MSRA: variants seen among roughly 807,000 people sequenced by gnomAD.
MSRA encodes methionine sulfoxide reductase A.
In MSRA, 54 loss-of-function variants were observed where a neutral mutation model predicts 31.3. That is an observed-to-expected ratio of 1.73 (90% confidence interval 1.39 to 2.17). MSRA has a LOEUF of 2.17. Among genes scored for constraint, MSRA ranks in the 30% most tolerant of loss-of-function variants. The pLI, the probability that MSRA is intolerant of heterozygous loss-of-function variation, is 0.00. For synonymous variants in MSRA, 169 were observed against 116.5 expected (o/e 1.45, Z -2.90); for missense variants, 507 against 300.9 (o/e 1.69, Z -5.07).
intron 1 of MSRA, among the ~76,000 whole-genome samples, chr8:10,128,613 AGCTTG>A (rs1322976217): frequency 6.6e-6 from 1 of 152,112 alleles, no homozygotes; most frequent in African/African-American, 2.4e-5. Context: ...CACTCCTCTT[AGCTTG>A]GCTTTGTTGT....
chr8:10,259,633 A>G (rs554212849), intron 3 of MSRA, among the ~76,000 whole-genome samples: 2 of 152,280 alleles, frequency 1.3e-5, no homozygotes, highest in South Asian at 4.1e-4. Flanking sequence ...GGGAAAGCTC[A>G]GAAAATAATA....
chr8:10,271,837 G>A (rs2975664), intron 3 of MSRA, among the ~76,000 whole-genome samples: 2 of 151,488 alleles, frequency 1.3e-5, no homozygotes, highest in Non-Finnish European at 2.9e-5. Flanking sequence ...TCTTGCCTCA[G>A]CCTCTCAAGT....
chr8:10,228,224 C>A (rs545575018), intron 2 of MSRA, among the ~76,000 whole-genome samples: 2 of 152,254 alleles, frequency 1.3e-5, no homozygotes, highest in Admixed American at 6.5e-5. Flanking sequence ...CAGCTGTAGC[C>A]GGAATTGAGG....
At chr8:10,268,230 A>G (rs975945096) in intron 3 of MSRA, among the ~76,000 whole-genome samples, 2 of 152,234 alleles carry the variant, frequency 1.3e-5, no homozygotes, top group Non-Finnish European at 1.5e-5. Flanking sequence ...CGTTCTAGCT[A>G]TAACAAGCAG....
intron 5 of MSRA, among the ~76,000 whole-genome samples, chr8:10,424,727 G>T (rs1809029683): frequency 6.6e-6 from 1 of 152,204 alleles, no homozygotes; most frequent in Admixed American, 6.5e-5. Flanking sequence ...TCGGGGCCAG[G>T]GAGAGGCCCC....
At chr8:10,357,888 A>G (rs1259908623) in intron 5 of MSRA, among the ~76,000 whole-genome samples, 1 of 152,140 alleles carries the variant, frequency 6.6e-6, no homozygotes, top group African/African-American at 2.4e-5. Flanking sequence ...CTACTTTTAT[A>G]TTGCATTTGT....
At chr8:10,196,115 G>T (rs1807961732) in intron 1 of MSRA, among the ~76,000 whole-genome samples, 1 of 152,174 alleles carries the variant, frequency 6.6e-6, no homozygotes, top group South Asian at 2.1e-4. Context: ...AGCTGACAGT[G>T]CCCCTTGCAA....
At chr8:10,318,437 C>T (rs1306772287) in intron 4 of MSRA, among the ~76,000 whole-genome samples, 2 of 152,170 alleles carry the variant, frequency 1.3e-5, no homozygotes, top group African/African-American at 2.4e-5. Context: ...CCTAATTCTT[C>T]TGTAGCCTCT....
Position 10,260,601 on chromosome 8 carries a change from G to T in MSRA, c.331+15378G>T, listed in dbSNP as rs774437607. On this transcript the variant is annotated intron_variant, in intron 3 of 5. Coordinates refer to ENST00000317173, the MANE Select transcript of MSRA (RefSeq NM_012331.5). ...ACAAATGCCTGCTAGGAAATCCAAG[G>T]ACGTATCATGTTGACCCAGTGACAA... is the stretch of plus-strand genomic sequence containing the variant. Among the ~76,000 whole-genome samples, 3 of 152,116 alleles carry T rather than the reference G, an allele frequency of 2.0e-5. No individual in the cohort carries two copies. In the East Asian group the frequency reaches 5.8e-4, roughly 29 times the overall value.
Position 10,318,032 on chromosome 8 carries a change from T to C in MSRA, c.437-1851T>C, listed in dbSNP as rs377628107. On this transcript the variant is annotated intron_variant, in intron 4 of 5. Coordinates refer to ENST00000317173, the MANE Select transcript of MSRA (RefSeq NM_012331.5). ...CAGTCCTCAGAACGTTCCAAGCTTG[T>C]TCTTATTTCTGGGCCTTGGGCTGGG... is the stretch of plus-strand genomic sequence containing the variant. Among the ~76,000 whole-genome samples the C allele has an allele frequency of 6.6e-5, 10 of 152,302 alleles. No homozygotes were observed. In the East Asian group the frequency reaches 1.4e-3, roughly 21 times the overall value.
chr8:10,135,152 G>A (rs1169846494), intron 1 of MSRA, among the ~76,000 whole-genome samples: 2 of 152,238 alleles, frequency 1.3e-5, no homozygotes, highest in African/African-American at 4.8e-5. Flanking sequence ...TTTCACTCTT[G>A]TAATACACAA....
intron 5 of MSRA, among the ~76,000 whole-genome samples, chr8:10,390,304 G>A (rs1336020916): frequency 1.3e-5 from 2 of 152,194 alleles, no homozygotes; most frequent in African/African-American, 4.8e-5. Flanking sequence ...TGTTTCCTGT[G>A]CGAAATGGGC....
At chr8:10,425,581 G>C (rs754303518) in intron 5 of MSRA, among the ~76,000 whole-genome samples, 1 of 152,258 alleles carries the variant, frequency 6.6e-6, no homozygotes, top group Non-Finnish European at 1.5e-5. Context: ...ACAGGGAAGA[G>C]GGTGGATCTC....
chr8:10,107,392 C>T (rs1339589483), intron 1 of MSRA, among the ~76,000 whole-genome samples: 1 of 151,978 alleles, frequency 6.6e-6, no homozygotes, highest in Non-Finnish European at 1.5e-5. Flanking sequence ...CCTTTTCTGA[C>T]CTCCTGAGAA....
intron 5 of MSRA, among the ~76,000 whole-genome samples, chr8:10,394,452 G>C (rs986370890): frequency 6.6e-6 from 1 of 152,196 alleles, no homozygotes; most frequent in African/African-American, 2.4e-5. Flanking sequence ...ATCACAATAG[G>C]ATTTACAAAA....
rs375431480 is a variant in MSRA, at chr8:10,096,641, T to G, written c.142+41983T>G. On this transcript the variant is annotated intron_variant, in intron 1 of 5. Coordinates refer to ENST00000317173, the MANE Select transcript of MSRA (RefSeq NM_012331.5). ...AAATGTTTTAAGTAGAAGGAAAATT[T>G]AGAAAGTTTACCGATTTTCTTTTTA... 4.2e-4 allele frequency among the ~76,000 whole-genome samples: 64 copies of G among 152,322 alleles called. 2 individuals carry two copies. Among genetic ancestry groups the G allele is most frequent in the African/African-American group, 1.5e-3 (64 of 41,576 alleles).
intron 1 of MSRA, chr8:10,096,193 C>T (rs1799145874): frequency 8.0e-7 from 1 of 1,252,734 alleles, no homozygotes; most frequent in South Asian, 3.3e-5. Flanking sequence ...TTTCTTAAAG[C>T]AACAGCTTTT....
At chr8:10,196,100 C>T (rs530464384) in intron 1 of MSRA, among the ~76,000 whole-genome samples, 1 of 152,336 alleles carries the variant, frequency 6.6e-6, no homozygotes, top group African/African-American at 2.4e-5. Context: ...CAGCTGCTCT[C>T]TGACAGCTGA....
chr8:10,162,758 T>A (rs1293650428), intron 1 of MSRA, among the ~76,000 whole-genome samples: 2 of 152,254 alleles, frequency 1.3e-5, no homozygotes, highest in Non-Finnish European at 2.9e-5. Flanking sequence ...CCCTAAGAGG[T>A]AGGCACTGAA....
Sources: allele counts gnomAD v4.1 joint callset (sites outside exome capture counted in the v4.1 genomes callset), GRCh38; gene constraint gnomAD v4.1.1; transcripts MANE v1.5; gene names NCBI Gene and HGNC (gene_info 2026-07-23, HGNC 2026-07-21).